Variants in ST6GALNAC3 observed in about 807,000 individuals in gnomAD.
ST6GALNAC3 encodes the protein ST6 N-acetylgalactosaminide alpha-2,6-sialyltransferase 3.
In ST6GALNAC3, 25 loss-of-function variants were observed where a neutral mutation model predicts 32.7. The observed-to-expected ratio is 0.76, with a 90% CI of 0.56 to 1.07. The LOEUF is 1.07. Among genes scored for constraint, ST6GALNAC3 ranks in the 50% least tolerant of loss-of-function variants. ST6GALNAC3 has a pLI of 0.00. For missense variants in ST6GALNAC3, 355 were observed against 382.4 expected, an observed-to-expected ratio of 0.93 and a Z score of 0.60; for synonymous variants, 129 against 133.1, an observed-to-expected ratio of 0.97 and a Z score of 0.21.
At chr1:76,103,595 A>C (rs1224861002) in intron 1 of ST6GALNAC3, among the ~76,000 whole-genome samples, 1 of 152,206 alleles carries the variant, frequency 6.6e-6, no homozygotes, top group East Asian at 1.9e-4. Flanking sequence ...GAGACTGGGT[A>C]GCCTAGACAA....
chr1:76,608,672 G>A (rs1647723602), intron 3 of ST6GALNAC3, among the ~76,000 whole-genome samples: 1 of 150,568 alleles, frequency 6.6e-6, no homozygotes, highest in Admixed American at 6.6e-5. Context: ...TTTTCCTTCA[G>A]TGTTTGTCTT....
chr1:76,419,361 C>A lies in ST6GALNAC3; in HGVS notation c.623+6944C>A, dbSNP rs1371484446. 2.0e-5 allele frequency among the ~76,000 whole-genome samples: 3 copies of A among 152,068 alleles called. No individual in the cohort carries two copies. In the East Asian group the frequency reaches 5.8e-4, roughly 29 times the overall value. On this transcript the variant is annotated intron_variant, in intron 3 of 4. Coordinates refer to ENST00000328299, the MANE Select transcript of ST6GALNAC3 (RefSeq NM_152996.4). ...TCTCTAGATGTAGTGGCTTTTAAAC[C>A]CCCAAAGGGTGTGAAACTCAAAGGC...
intron 1 of ST6GALNAC3, among the ~76,000 whole-genome samples, chr1:76,226,335 C>T (rs935184732): frequency 5.3e-5 from 8 of 152,156 alleles, no homozygotes; most frequent in African/African-American, 1.9e-4. Flanking sequence ...TTTTGTGGGG[C>T]CTGTTTGCTC....
chr1:76,598,492 T>G (rs900655859), intron 3 of ST6GALNAC3, among the ~76,000 whole-genome samples: 1 of 152,204 alleles, frequency 6.6e-6, no homozygotes, highest in South Asian at 2.1e-4. Context: ...AAATGTTGCT[T>G]ACAGATTCAG....
At chr1:76,435,603 T>C (rs557095953) in intron 3 of ST6GALNAC3, among the ~76,000 whole-genome samples, 1 of 152,308 alleles carries the variant, frequency 6.6e-6, no homozygotes, top group African/African-American at 2.4e-5. Flanking sequence ...TAGTACTCTC[T>C]CTGAATAATG....
chr1:76,108,347 AT>A (rs766469569), intron 1 of ST6GALNAC3, among the ~76,000 whole-genome samples: 5 of 152,370 alleles, frequency 3.3e-5, no homozygotes, highest in Non-Finnish European at 7.3e-5. Flanking sequence ...CACAGAATAC[AT>A]AACATGGTTT....
chr1:76,419,208 C>A (rs923701472), intron 3 of ST6GALNAC3, among the ~76,000 whole-genome samples: 1 of 152,072 alleles, frequency 6.6e-6, no homozygotes, highest in Non-Finnish European at 1.5e-5. Context: ...GAAATCAAGA[C>A]TTCCAAGCAG....
Position 76,628,909 on chromosome 1 carries a change from A to G in ST6GALNAC3, c.*103A>G, listed in dbSNP as rs1229592286. 9.0e-6 allele frequency: 14 copies of G among 1,548,032 alleles called. No individual in the cohort carries two copies. The highest frequency in any genetic ancestry group is 2.2e-5 in the Admixed American group (1 of 45,758). Reference sequence around the variant, plus strand: ...GATGATGGTAATGATAAAGACAACAACAATGATTATCAAGTTCCTGTACAC... The same window carrying G: ...GATGATGGTAATGATAAAGACAACAGCAATGATTATCAAGTTCCTGTACAC... On this transcript the variant is annotated 3_prime_UTR_variant, in exon 5 of 5. Coordinates refer to ENST00000328299, the MANE Select transcript of ST6GALNAC3 (RefSeq NM_152996.4).
intron 3 of ST6GALNAC3, among the ~76,000 whole-genome samples, chr1:76,430,726 T>C (rs1655694239): frequency 6.6e-6 from 1 of 152,190 alleles, no homozygotes; most frequent in South Asian, 2.1e-4. Context: ...GCCAATGGGA[T>C]TGGCAATATT....
intron 3 of ST6GALNAC3, among the ~76,000 whole-genome samples, chr1:76,621,723 A>C (rs1648662637): frequency 1.3e-5 from 2 of 152,044 alleles, no homozygotes; most frequent in Non-Finnish European, 2.9e-5. Context: ...ATCTTTGTTT[A>C]AATGTATTCT....
At chr1:76,378,685 A>G (rs6659588) in intron 2 of ST6GALNAC3, among the ~76,000 whole-genome samples, 29,391 of 151,438 alleles carry the variant, frequency 0.19, 3,408 homozygotes, top group Admixed American at 0.3. Flanking sequence ...AAAAATTAAA[A>G]ATTTGCTTTT....
intron 3 of ST6GALNAC3, among the ~76,000 whole-genome samples, chr1:76,451,086 G>T (rs1557897495): frequency 6.6e-6 from 1 of 152,186 alleles, no homozygotes; most frequent in Non-Finnish European, 1.5e-5. Flanking sequence ...GTTCTGTGAA[G>T]AACGATGGTT....
At chr1:76,286,250 C>T (rs1659770483) in intron 1 of ST6GALNAC3, among the ~76,000 whole-genome samples, 1 of 152,172 alleles carries the variant, frequency 6.6e-6, no homozygotes, top group Admixed American at 6.5e-5. Context: ...TAAGCTATGA[C>T]TATTGTCTAG....
chr1:76,142,785 G>T, intron 1 of ST6GALNAC3: 1 of 446,360 alleles, frequency 2.2e-6, no homozygotes, highest in Non-Finnish European at 4.5e-6. Flanking sequence ...GGCAGAACTT[G>T]CTGGTAGAGG....
intron 2 of ST6GALNAC3, among the ~76,000 whole-genome samples, chr1:76,382,726 G>T (rs12140509): frequency 6.6e-6 from 1 of 152,108 alleles, no homozygotes; most frequent in Non-Finnish European, 1.5e-5. Flanking sequence ...TAGACTCTAA[G>T]GGATTATAAA....
chr1:76,241,984 A>AAAGC (rs1436037785), intron 1 of ST6GALNAC3, among the ~76,000 whole-genome samples: 29 of 152,186 alleles, frequency 1.9e-4, no homozygotes, highest in Non-Finnish European at 5.9e-5. Context: ...TAGGAGTTAG[A>AAAGC]AAGCAAGATT....
intron 1 of ST6GALNAC3, among the ~76,000 whole-genome samples, chr1:76,075,695 G>C (rs1489832088): frequency 6.8e-6 from 1 of 147,348 alleles, no homozygotes; most frequent in Non-Finnish European, 1.5e-5. Flanking sequence ...CACTGGTAGA[G>C]GCCTCCCCTG....
At chr1:76,622,361 G>T (rs567550480) in intron 3 of ST6GALNAC3, among the ~76,000 whole-genome samples, 1 of 152,004 alleles carries the variant, frequency 6.6e-6, no homozygotes, top group East Asian at 1.9e-4. Context: ...TAAGATAATG[G>T]GTTTAGATGG....
intron 3 of ST6GALNAC3, among the ~76,000 whole-genome samples, chr1:76,558,550 G>C (rs1665060055): frequency 6.6e-6 from 1 of 152,032 alleles, no homozygotes; most frequent in Non-Finnish European, 1.5e-5. Context: ...GAGTACACAT[G>C]GACATGTAGA....
Sources: gnomAD v4.1 joint callset for allele counts (sites outside exome capture counted in the v4.1 genomes callset) on GRCh38, gnomAD v4.1.1 for gene constraint, MANE v1.5 for transcripts, NCBI Gene and HGNC (gene_info 2026-07-23, HGNC 2026-07-21) for gene names.